Variants in CHRNA3 observed in about 807,000 individuals in gnomAD.
CHRNA3 encodes the protein cholinergic receptor nicotinic alpha 3 subunit.
Under a neutral mutation model 41.9 loss-of-function variants are expected in CHRNA3, and 34 were observed. That is an observed-to-expected ratio of 0.81 (90% CI 0.62 to 1.08). The LOEUF is 1.08. CHRNA3 is among the 50% of genes least tolerant of loss of function. The probability of loss-of-function intolerance (pLI) is 0.00; values close to 1 mark genes in which losing one functional copy is unlikely to be tolerated. For missense variants in CHRNA3, 542 were observed against 638.3 expected (o/e 0.85, Z 1.63); for synonymous variants, 281 against 265.2 (o/e 1.06, Z -0.58).
At chr15:78,610,432 C>T (rs201524563) in intron 4 of CHRNA3, among the ~76,000 whole-genome samples, 12,644 of 151,698 alleles carry the variant, frequency 0.083, 899 homozygotes, top group African/African-American at 0.19. Context: ...CACTCAAAAC[C>T]ACTCAACTAC....
intron 4 of CHRNA3, among the ~76,000 whole-genome samples, chr15:78,612,003 T>C (rs1411091778): frequency 6.6e-6 from 1 of 152,134 alleles, no homozygotes; most frequent in Non-Finnish European, 1.5e-5. Flanking sequence ...GGAATCCAAC[T>C]TAAGAGGGAT....
chr15:78,603,203 T>G (rs1380993505), intron 4 of CHRNA3, among the ~76,000 whole-genome samples: 1 of 152,156 alleles, frequency 6.6e-6, no homozygotes. Flanking sequence ...TTAGTAGGGA[T>G]GGAGTTTTGC....
At chr15:78,616,957 C>G in intron 4 of CHRNA3, 67 bp downstream of exon 4, 1 of 1,095,810 alleles carries the variant, frequency 9.1e-7, no homozygotes, top group East Asian at 2.4e-5. Flanking sequence ...GTTTTAAGCA[C>G]AGTGGGCCAA....
At chr15:78,608,813 A>G (rs1370089938) in intron 4 of CHRNA3, among the ~76,000 whole-genome samples, 1 of 146,284 alleles carries the variant, frequency 6.8e-6, no homozygotes, top group African/African-American at 2.5e-5. Context: ...AACCAATGGC[A>G]AAGAAGTTAA....
chr15:78,610,351 A>G (rs1375252650), intron 4 of CHRNA3, among the ~76,000 whole-genome samples: 2 of 152,206 alleles, frequency 1.3e-5, no homozygotes, highest in Admixed American at 6.5e-5. Context: ...CAAATGTAAA[A>G]GAACACAAAT....
Position 78,595,339 on chromosome 15 carries a change from G to A in CHRNA3, c.*1265C>T. The A allele has an allele frequency of 1.0e-6, 1 of 975,920 alleles. No individual in the cohort carries two copies. Among genetic ancestry groups the A allele is most frequent in the Non-Finnish European group, 1.2e-6 (1 of 828,054 alleles). The allele number at this position is 975,920 out of a possible 1,614,324, so 60.5% of individuals were successfully genotyped here. ...TTCTGTCCATTTTATTTTTGCACAG[G>A]AAAAACTAGTGAGACAAGATTCAAA... is the stretch of plus-strand genomic sequence containing the variant. On this transcript the variant is annotated 3_prime_UTR_variant, in exon 6 of 6. Transcript: ENST00000326828.
Position 78,596,434 on chromosome 15 carries a change from C to A in CHRNA3, c.*170G>T. On this transcript the variant is annotated 3_prime_UTR_variant, in exon 6 of 6. Transcript: ENST00000326828. ...TGTTCATTTATCGGTAATAAATACTCTTGACATTTTTTTTTTTGCATGATT... is the reference window on the plus strand; with the variant it reads ...TGTTCATTTATCGGTAATAAATACTATTGACATTTTTTTTTTTGCATGATT... 1.6e-6 allele frequency: 2 copies of A among 1,281,514 alleles called. No homozygotes were observed. Among genetic ancestry groups the A allele is most frequent in the Non-Finnish European group, 9.7e-7 (1 of 1,026,404 alleles). The allele number at this position is 1,281,514 out of a possible 1,614,324, so 79.4% of individuals were successfully genotyped here.
Position 78,596,195 on chromosome 15 carries a change from T to C in CHRNA3, c.*409A>G. 1.0e-6 allele frequency: 1 copy of C among 986,782 alleles called. No individual in the cohort carries two copies. 61.1% of individuals were successfully genotyped at this position (986,782 alleles called of 1,614,324 possible). ...GGGGATTGCTGAATTAGTATAAACC[T>C]TCAAAGAGATTATGGGCTAAATAAG... On this transcript the variant is annotated 3_prime_UTR_variant, in exon 6 of 6. Coordinates refer to ENST00000326828, the MANE Select transcript of CHRNA3 (RefSeq NM_000743.5).
rs2053539997 is a variant in CHRNA3, at chr15:78,620,824, G to A, written c.-30C>T. ...GGTGGCCGGGCTGGCCGCGGACCCG[G>A]ACGGTCGGGAGCGGGCGCGGCGGTC... is the stretch of plus-strand genomic sequence containing the variant. On this transcript the variant is annotated 5_prime_UTR_variant, in exon 1 of 6. Transcript: ENST00000326828. The A allele has an allele frequency of 2.2e-6, 3 of 1,371,290 alleles. No individual in the cohort carries two copies. Among genetic ancestry groups the A allele is most frequent in the East Asian group, 3.1e-5 (1 of 32,104 alleles). The allele number at this position is 1,371,290 out of a possible 1,614,324, so 84.9% of individuals were successfully genotyped here. A position where few individuals can be genotyped will look rare whatever the true frequency, so the allele number is the denominator to read the frequency against.
At chr15:78,600,892 A>G (rs1027373657) in intron 5 of CHRNA3, among the ~76,000 whole-genome samples, 8 of 152,106 alleles carry the variant, frequency 5.3e-5, no homozygotes, top group Admixed American at 2.0e-4. Context: ...AAATAAAAAT[A>G]TAACCTCAAT....
intron 4 of CHRNA3, among the ~76,000 whole-genome samples, chr15:78,602,702 T>C (rs2053224897): frequency 6.6e-6 from 1 of 152,146 alleles, no homozygotes; most frequent in Non-Finnish European, 1.5e-5. Context: ...GGGCGCCTAA[T>C]GTGTGTGTGA....
At chr15:78,619,175 C>G in intron 1 of CHRNA3, 1 of 537,054 alleles carries the variant, frequency 1.9e-6, no homozygotes, top group Non-Finnish European at 3.3e-6. Flanking sequence ...TTGGACAGAT[C>G]TGGTGCAAAT....
chr15:78,600,302 T>C (rs1183941784), intron 5 of CHRNA3, among the ~76,000 whole-genome samples: 2 of 152,120 alleles, frequency 1.3e-5, no homozygotes, highest in Admixed American at 1.3e-4. Context: ...CTCAAACTCC[T>C]GATCTCAAGC....
At position 78,601,305 on chromosome 15, in the gene CHRNA3, T is replaced by G; in HGVS notation, c.1337A>C (p.Gln446Pro). Residue 446 changes from glutamine (Q) to proline (P), a missense_variant, in exon 5 of 6, where the codon CAA (glutamine) becomes CCA (proline). By Grantham distance (76) the Gln-to-Pro change is moderately conservative. Coordinates refer to ENST00000326828, the MANE Select transcript of CHRNA3 (RefSeq NM_000743.5). ...ATTTTCAGCAATATACTTGACACTTTGGATGGCTTCTTTGATTTCTGGTGA... is the reference window on the plus strand; with the variant it reads ...ATTTTCAGCAATATACTTGACACTTGGGATGGCTTCTTTGATTTCTGGTGA... ...ALSPEIKEAI[Q>P]SVKYIAENMK... is the part of the protein sequence containing the mutation. The G allele has an allele frequency of 1.9e-6, 3 of 1,614,236 alleles. No individual in the cohort carries two copies. The highest frequency in any genetic ancestry group is 2.5e-6 in the Non-Finnish European group (3 of 1,180,042).
chr15:78,618,538 T>C (rs1231009537), intron 3 of CHRNA3, 79 bp downstream of exon 3: 8 of 1,535,578 alleles, frequency 5.2e-6, no homozygotes, highest in South Asian at 1.1e-5. Context: ...GCCTGGTCTT[T>C]AGGCCTTTCT....
rs71541945 is a variant in CHRNA3, at chr15:78,596,506, G to A, written c.*98C>T. On this transcript the variant is annotated 3_prime_UTR_variant, in exon 6 of 6. Coordinates refer to ENST00000326828, the MANE Select transcript of CHRNA3 (RefSeq NM_000743.5). The stretch of plus-strand genomic sequence containing the variant: ...TAAACCTCGAAATGCCAAAAACAAA[G>A]CTGGTAGCTTGATAACAGAAAGTAC... 7.9e-3 allele frequency: 10,590 copies of A among 1,337,160 alleles called. 1,224 individuals are homozygous for A. The East Asian group carries it at 0.26, about 33-fold the overall frequency. 82.8% of individuals were successfully genotyped at this position (1,337,160 alleles called of 1,614,324 possible).
Position 78,601,321 on chromosome 15 carries a change from T to C in CHRNA3, c.1321A>G (p.Ile441Val). Residue 441 changes from isoleucine to valine, a missense_variant, in exon 5 of 6, where the codon ATC becomes GTC. By Grantham distance (29) the Ile-to-Val change is conservative. Transcript: ENST00000326828. ...TTGACACTTTGGATGGCTTCTTTGA[T>C]TTCTGGTGACAAAGCAGAGAGGGAC... is the stretch of plus-strand genomic sequence containing the variant. The part of the protein sequence containing the change: ...VLSLSALSPE[I>V]KEAIQSVKYI... 1 of 1,614,106 alleles carries C rather than the reference T, an allele frequency of 6.2e-7. No homozygotes were observed. The highest frequency in any genetic ancestry group is 1.1e-5 in the South Asian group (1 of 91,088).
At chr15:78,620,397 G>GGCAGGGCGACGGGCAGCGCGGGGCAGGGC in intron 1 of CHRNA3, 2 of 373,954 alleles carry the variant, frequency 5.3e-6, no homozygotes, top group Non-Finnish European at 9.5e-6. Flanking sequence ...GGCAGCGCGG[G>GGCAGGGCGACGGGCAGCGCGGGGCAGGGC]GACGCGAATC....
chr15:78,596,435 T>C lies in CHRNA3; in HGVS notation c.*169A>G. ...GTTCATTTATCGGTAATAAATACTC[T>C]TGACATTTTTTTTTTTGCATGATTC... On this transcript the variant is annotated 3_prime_UTR_variant, in exon 6 of 6. Coordinates refer to ENST00000326828, the MANE Select transcript of CHRNA3 (RefSeq NM_000743.5). The C allele has an allele frequency of 3.1e-6, 4 of 1,281,924 alleles. No individual in the cohort carries two copies. Among genetic ancestry groups the C allele is most frequent in the Non-Finnish European group, 3.9e-6 (4 of 1,027,680 alleles). The allele number at this position is 1,281,924 out of a possible 1,614,324, so 79.4% of individuals were successfully genotyped here.
Sources: allele counts gnomAD v4.1 joint callset (sites outside exome capture counted in the v4.1 genomes callset), GRCh38; gene constraint gnomAD v4.1.1; transcripts MANE v1.5; gene names NCBI Gene and HGNC (gene_info 2026-07-23, HGNC 2026-07-21).